Variants in PTPRG observed in about 807,000 individuals in gnomAD.
The protein encoded by PTPRG is protein tyrosine phosphatase receptor type G.
Under a neutral mutation model 165.3 loss-of-function variants are expected in PTPRG, and 102 were observed. The observed-to-expected ratio is 0.62, with a 90% CI of 0.53 to 0.73. PTPRG has a LOEUF of 0.73. PTPRG is among the 30% of genes least tolerant of loss of function. The pLI is 0.00. For missense variants in PTPRG, 1,866 were observed against 1,861.4 expected, an observed-to-expected ratio of 1.00 and a Z score of -0.05; for synonymous variants, 675 against 669.5, an observed-to-expected ratio of 1.01 and a Z score of -0.13.
At chr3:61,760,835 G>A (rs900427620) in intron 2 of PTPRG, among the ~76,000 whole-genome samples, 6 of 152,144 alleles carry the variant, frequency 3.9e-5, no homozygotes, top group Non-Finnish European at 8.8e-5. Flanking sequence ...CTTTAAGTAA[G>A]AACATGCAGT....
At chr3:61,713,457 C>T (rs1217320026) in intron 1 of PTPRG, among the ~76,000 whole-genome samples, 1 of 152,014 alleles carries the variant, frequency 6.6e-6, no homozygotes, top group African/African-American at 2.4e-5. Context: ...AGGCATGAGC[C>T]ACTGCACCCG....
rs2106839051 is a variant in PTPRG at position 62,203,250 on chromosome 3, C to T, written c.1455C>T (p.Ile485=). The change falls in exon 12 of 30, where the codon ATC becomes ATT. Residue 485 remains isoleucine, a synonymous_variant. Coordinates refer to ENST00000474889, the MANE Select transcript of PTPRG (RefSeq NM_002841.4). This position sits in a 1 kb window ranked among gnomAD's most constrained non-coding sequence, Gnocchi z 6.4. ...CTTCTACCTGGACGTCCTCTGGCAT[C>T]CCATTCTCATTTGTTTCCATGGCAA... ...SGSSTWTSSG[I]PFSFVSMATG... The T allele has an allele frequency of 6.2e-7, 1 of 1,614,036 alleles. No individual in the cohort carries two copies. Among genetic ancestry groups the T allele is most frequent in the South Asian group, 1.1e-5 (1 of 91,054 alleles).
chr3:61,741,780 T>C (rs1425234999), intron 1 of PTPRG, among the ~76,000 whole-genome samples: 2 of 152,184 alleles, frequency 1.3e-5, no homozygotes, highest in East Asian at 3.9e-4. Flanking sequence ...TTGGAATCCT[T>C]TGTGGCCATG....
At chr3:62,054,244 G>A (rs1011375102) in intron 4 of PTPRG, among the ~76,000 whole-genome samples, 2 of 152,196 alleles carry the variant, frequency 1.3e-5, no homozygotes, top group Non-Finnish European at 2.9e-5. Context: ...GGAGGACAAG[G>A]CCTGTCTGCC....
intron 2 of PTPRG, among the ~76,000 whole-genome samples, chr3:61,783,802 C>G (rs1333364864): frequency 2.0e-5 from 3 of 152,128 alleles, no homozygotes; most frequent in Non-Finnish European, 4.4e-5. Context: ...GACAGATGAA[C>G]TTGGGTTGCA....
chr3:62,239,000 C>T (rs1036447663), intron 14 of PTPRG, among the ~76,000 whole-genome samples: 1 of 151,958 alleles, frequency 6.6e-6, no homozygotes. Context: ...AGCACCCAGG[C>T]GTTGGGGAAG....
At chr3:62,099,936 C>T (rs1390271257) in intron 5 of PTPRG, among the ~76,000 whole-genome samples, 5 of 151,414 alleles carry the variant, frequency 3.3e-5, no homozygotes, top group Non-Finnish European at 7.4e-5. Flanking sequence ...GTAGCTGGGA[C>T]TACAGGCGTG....
At chr3:61,611,111 TTTTTCTAAACGGCAAAA>T (rs1282340361) in intron 1 of PTPRG, among the ~76,000 whole-genome samples, 1 of 152,212 alleles carries the variant, frequency 6.6e-6, no homozygotes, top group Non-Finnish European at 1.5e-5. Context: ...GTATTCTTTC[TTTTTCTAAACGGCAAAA>T]GCAAGTTTTT....
chr3:61,749,636 A>G (rs943930162), intron 2 of PTPRG: 1 of 154,616 alleles, frequency 6.5e-6, no homozygotes, highest in Non-Finnish European at 1.4e-5. Flanking sequence ...TTTCTGGATT[A>G]GGCTTCCCAA....
intron 1 of PTPRG, among the ~76,000 whole-genome samples, chr3:61,670,819 T>C (rs558311452): frequency 3.9e-5 from 6 of 152,270 alleles, no homozygotes; most frequent in Admixed American, 3.9e-4. Context: ...TATAATTAAG[T>C]AGAATCGCAG....
intron 2 of PTPRG, among the ~76,000 whole-genome samples, chr3:61,973,034 A>G (rs2040419301): frequency 6.6e-6 from 1 of 152,156 alleles, no homozygotes; most frequent in Non-Finnish European, 1.5e-5. Context: ...ATTAATGCTA[A>G]TAAATGAAAA....
intron 2 of PTPRG, among the ~76,000 whole-genome samples, chr3:61,790,355 A>G (rs2034834909): frequency 6.6e-6 from 1 of 152,132 alleles, no homozygotes. Context: ...TGTCTTCATC[A>G]CTATCTTGGG....
chr3:62,269,568 G>A (rs1321943246), intron 20 of PTPRG, among the ~76,000 whole-genome samples: 3 of 152,136 alleles, frequency 2.0e-5, no homozygotes, highest in Admixed American at 6.6e-5. Context: ...GTAAACATCA[G>A]ATTCTGCTGT....
At chr3:62,160,109 G>C (rs1281449736) in intron 7 of PTPRG, among the ~76,000 whole-genome samples, 1 of 152,168 alleles carries the variant, frequency 6.6e-6, no homozygotes, top group Non-Finnish European at 1.5e-5. Context: ...CTTCTCTACA[G>C]TCTCTGTATT....
chr3:62,258,341 C>G (rs766746280), intron 16 of PTPRG, among the ~76,000 whole-genome samples: 12 of 152,116 alleles, frequency 7.9e-5, no homozygotes, highest in Non-Finnish European at 1.2e-4. Flanking sequence ...ATATAAGATA[C>G]AAATATGAAT....
At position 62,203,545 on chromosome 3, in the gene PTPRG, G is replaced by A. The variant is rs373792754; in HGVS notation, c.1750G>A (p.Glu584Lys). The part of the protein sequence containing the change: ...GEGTEEGEKD[E>K]KSESEDGERE... ...GGGCACCGAGGAAGGAGAGAAGGATGAGAAAAGCGAGAGTGAGGATGGGGA... is the reference window on the plus strand; with the variant it reads ...GGGCACCGAGGAAGGAGAGAAGGATAAGAAAAGCGAGAGTGAGGATGGGGA... Residue 584 changes from glutamate (E) to lysine (K), a missense_variant, in exon 12 of 30, where the codon GAG (glutamate) becomes AAG (lysine). Physicochemically the swap from Glu to Lys is moderately conservative, Grantham distance 56. This residue lies in a region of PTPRG where 1,452 missense variants were observed against 1,463.0 expected (regional missense o/e 0.99). Transcript: ENST00000474889. The surrounding 1 kb of genome is among the most constrained non-coding windows in gnomAD (Gnocchi z 6.4). 14 of 1,553,078 alleles carry A rather than the reference G, an allele frequency of 9.0e-6. No individual in the cohort carries two copies. The Middle Eastern group carries it at 6.6e-4, about 74-fold the overall frequency.
At chr3:62,039,936 AT>A (rs1035966599) in intron 4 of PTPRG, among the ~76,000 whole-genome samples, 3 of 152,372 alleles carry the variant, frequency 2.0e-5, no homozygotes, top group African/African-American at 7.2e-5. Flanking sequence ...TTAAAAACTT[AT>A]CCCACTTAGT....
In PTPRG at chr3:62,039,890, T is replaced by C. The variant is rs79858019; in HGVS notation, c.519+36393T>C. On this transcript the variant is annotated intron_variant, in intron 4 of 29. Coordinates refer to ENST00000474889, the MANE Select transcript of PTPRG (RefSeq NM_002841.4). Reference sequence around the variant, plus strand: ...CATTAAGTATGTTTAATAAAAAATATCTTCTCAGCCTCCAAGTGACTCTCT... The same window carrying C: ...CATTAAGTATGTTTAATAAAAAATACCTTCTCAGCCTCCAAGTGACTCTCT... Among the ~76,000 whole-genome samples the C allele has an allele frequency of 7.6e-3, 1,155 of 152,340 alleles. 11 individuals carry two copies. The highest frequency in any genetic ancestry group is 0.026 in the African/African-American group (1,100 of 41,566).
Position 62,294,114 on chromosome 3 carries a change from A to G in PTPRG, c.*807A>G, listed in dbSNP as rs1408423400. On this transcript the variant is annotated 3_prime_UTR_variant, in exon 30 of 30. Transcript: ENST00000474889. ...TATCTTTAACAATAGCAAGATAGCA[A>G]TATTATATACAACTCAGTTATGAGA... The G allele has an allele frequency of 6.6e-6, 1 of 152,234 alleles. No individual in the cohort carries two copies. The highest frequency in any genetic ancestry group is 1.5e-5 in the Non-Finnish European group (1 of 68,016). 9.4% of individuals were successfully genotyped at this position (152,234 alleles called of 1,614,324 possible). A position where few individuals can be genotyped will look rare whatever the true frequency, so the allele number is the denominator to read the frequency against.
Sources: allele counts gnomAD v4.1 joint callset (sites outside exome capture counted in the v4.1 genomes callset), GRCh38; gene constraint gnomAD v4.1.1; regional missense constraint gnomAD v4.1.1; non-coding constraint Gnocchi (gnomAD v3.1); transcripts MANE v1.5; gene names NCBI Gene and HGNC (gene_info 2026-07-23, HGNC 2026-07-21).